The following CAV3 variants were observed in gnomAD, a reference collection of about 807,000 sequenced individuals.
CAV3 encodes the protein caveolin 3.
Under a neutral mutation model 13.4 loss-of-function variants are expected in CAV3, and 10 were observed. That is an observed-to-expected ratio of 0.75 (90% CI 0.46 to 1.27). The LOEUF (loss-of-function observed/expected upper bound fraction) is 1.27. Ranked by LOEUF, CAV3 falls within the 50% of genes most tolerant of loss-of-function variation. The probability of loss-of-function intolerance (pLI) is 0.00; values close to 1 mark genes in which losing one functional copy is unlikely to be tolerated. For synonymous variants in CAV3, 90 were observed against 79.0 expected (o/e 1.14, Z -0.74); for missense variants, 162 against 194.0 (o/e 0.83, Z 0.98).
intron 1 of CAV3, among the ~76,000 whole-genome samples, chr3:8,735,910 C>T (rs1164223327): frequency 6.6e-6 from 1 of 152,222 alleles, no homozygotes. Context: ...TTCTGTCCCC[C>T]TGCTTCACTC....
At chr3:8,737,980 C>G (rs569996921) in intron 1 of CAV3, among the ~76,000 whole-genome samples, 11 of 152,226 alleles carry the variant, frequency 7.2e-5, no homozygotes, top group Non-Finnish European at 1.3e-4. Context: ...CATGCTCTCT[C>G]TCTCTGCTCT....
Position 8,735,741 on chromosome 3 carries a change from C to A in CAV3, c.114+1751C>A, listed in dbSNP as rs373873706. ...TTCTGCCTGGTTGGCTCCCACCTGCCAGCCCACCCACCAGAGTACATTCCT... is the reference window on the plus strand; with the variant it reads ...TTCTGCCTGGTTGGCTCCCACCTGCAAGCCCACCCACCAGAGTACATTCCT... On this transcript the variant is annotated intron_variant, in intron 1 of 1. Coordinates refer to ENST00000343849, the MANE Select transcript of CAV3 (RefSeq NM_033337.3). 1.3e-4 allele frequency among the ~76,000 whole-genome samples: 20 copies of A among 152,300 alleles called. No individual in the cohort carries two copies. The East Asian group carries it at 3.5e-3, about 27-fold the overall frequency.
intron 1 of CAV3, among the ~76,000 whole-genome samples, chr3:8,736,260 AT>A (rs1240903237): frequency 1.3e-5 from 2 of 152,104 alleles, no homozygotes; most frequent in African/African-American, 4.8e-5. Context: ...TAAAGTGGGA[AT>A]AATATCATTT....
Position 8,745,420 on chromosome 3 carries a change from G to A in CAV3, c.115-106G>A. On this transcript the variant is annotated intron_variant, in intron 1 of 1. Transcript: ENST00000343849. The surrounding 1 kb of genome is among the most constrained non-coding windows in gnomAD (Gnocchi z 4.8). ...AATACAGGTAGGGTCCAGCCACCAA[G>A]GTTAACCTGACCTCTAGGGGATTCT... The A allele has an allele frequency of 1.2e-6, 1 of 847,302 alleles. No homozygotes were observed. The allele number at this position is 847,302 out of a possible 1,614,324, so 52.5% of individuals were successfully genotyped here. A position where few individuals can be genotyped will look rare whatever the true frequency, so the allele number is the denominator to read the frequency against.
chr3:8,743,032 A>T (rs923436437), intron 1 of CAV3, among the ~76,000 whole-genome samples: 8 of 152,098 alleles, frequency 5.3e-5, no homozygotes, highest in African/African-American at 1.7e-4. Flanking sequence ...ACATGGCGAG[A>T]GAGGGAGCAA....
chr3:8,745,468 A>T lies in CAV3; in HGVS notation c.115-58A>T. 1 of 1,411,206 alleles carries T rather than the reference A, an allele frequency of 7.1e-7. No homozygotes were observed. The highest frequency in any genetic ancestry group is 1.4e-5 in the African/African-American group (1 of 70,340). 87.4% of individuals were successfully genotyped at this position (1,411,206 alleles called of 1,614,324 possible). ...TCTGACACATGCACGCACACACCCA[A>T]AAGCTTGAGAAGCGGGTGGCTTCTG... is the stretch of plus-strand genomic sequence containing the variant. On this transcript the variant is annotated intron_variant, in intron 1 of 1. Transcript: ENST00000343849. The surrounding 1 kb of genome is among the most constrained non-coding windows in gnomAD (Gnocchi z 4.8).
chr3:8,736,053 A>G lies in CAV3; in HGVS notation c.114+2063A>G, dbSNP rs139365395. On this transcript the variant is annotated intron_variant, in intron 1 of 1. Coordinates refer to ENST00000343849, the MANE Select transcript of CAV3 (RefSeq NM_033337.3). The stretch of plus-strand genomic sequence containing the variant: ...AGGAAAATTAGGAAACAAATTTCAC[A>G]AACTGTAAAGCACTATATACATGTA... Among the ~76,000 whole-genome samples, 21 of 152,372 alleles carry G rather than the reference A, an allele frequency of 1.4e-4. No individual in the cohort carries two copies. The East Asian group carries it at 4.0e-3, about 29-fold the overall frequency.
intron 1 of CAV3, among the ~76,000 whole-genome samples, chr3:8,734,310 A>G (rs538806432): frequency 2.0e-5 from 3 of 152,230 alleles, no homozygotes; most frequent in Admixed American, 6.5e-5. Context: ...CCTGGCTCTC[A>G]CCCTGGGAGG....
intron 1 of CAV3, among the ~76,000 whole-genome samples, chr3:8,743,252 G>T (rs2124985607): frequency 6.6e-6 from 1 of 152,292 alleles, no homozygotes; most frequent in South Asian, 2.1e-4. Context: ...TCAGTGGGTT[G>T]TGGATGTATG....
chr3:8,740,766 A>G (rs1228160655), intron 1 of CAV3, among the ~76,000 whole-genome samples: 2 of 152,200 alleles, frequency 1.3e-5, no homozygotes, highest in African/African-American at 4.8e-5. Context: ...CACCCTCCTG[A>G]AGGAGGAGTC....
chr3:8,738,588 T>C (rs1167984150), intron 1 of CAV3, among the ~76,000 whole-genome samples: 1 of 152,186 alleles, frequency 6.6e-6, no homozygotes, highest in Non-Finnish European at 1.5e-5. Flanking sequence ...TACTTTCATC[T>C]GGAAAAATCA....
At chr3:8,737,010 G>T (rs1029059840) in intron 1 of CAV3, among the ~76,000 whole-genome samples, 9 of 152,126 alleles carry the variant, frequency 5.9e-5, no homozygotes, top group Non-Finnish European at 1.2e-4. Context: ...AAGAAGGAGA[G>T]AGGGGACTGT....
rs1708172113 is a variant in CAV3, at chr3:8,746,676, C to T, written c.*809C>T. The T allele has an allele frequency of 1.3e-5, 2 of 149,816 alleles. No homozygotes were observed. Among genetic ancestry groups the T allele is most frequent in the South Asian group, 4.2e-4 (2 of 4,786 alleles). 9.3% of individuals were successfully genotyped at this position (149,816 alleles called of 1,614,324 possible). On this transcript the variant is annotated 3_prime_UTR_variant, in exon 2 of 2. Coordinates refer to ENST00000343849, the MANE Select transcript of CAV3 (RefSeq NM_033337.3). ...CTGCCATTTGACATGAGGGTACCTTCGCCCTCAGGAGATGTGACGAAGGAA... is the reference window on the plus strand; with the variant it reads ...CTGCCATTTGACATGAGGGTACCTTTGCCCTCAGGAGATGTGACGAAGGAA...
intron 1 of CAV3, among the ~76,000 whole-genome samples, chr3:8,740,569 C>T (rs1707922981): frequency 6.6e-6 from 1 of 152,216 alleles, no homozygotes; most frequent in South Asian, 2.1e-4. Context: ...CTCTCTGTCT[C>T]TCTCCTTGCA....
intron 1 of CAV3, chr3:8,744,981 C>T (rs1326677737): frequency 6.4e-6 from 1 of 155,660 alleles, no homozygotes; most frequent in African/African-American, 2.4e-5. Context: ...GTCGGAATCC[C>T]TGGGGCGATG....
At chr3:8,734,373 G>T (rs1707676291) in intron 1 of CAV3, among the ~76,000 whole-genome samples, 1 of 152,206 alleles carries the variant, frequency 6.6e-6, no homozygotes, top group Admixed American at 6.5e-5. Flanking sequence ...GGGCATTTCT[G>T]CGGTCTCTCC....
At chr3:8,735,617 T>C (rs1270693185) in intron 1 of CAV3, among the ~76,000 whole-genome samples, 1 of 152,226 alleles carries the variant, frequency 6.6e-6, no homozygotes, top group Non-Finnish European at 1.5e-5. Flanking sequence ...CAGACAGGCC[T>C]GTATTGCGGT....
In CAV3 at chr3:8,736,653, G is replaced by A. The variant is rs566176610; in HGVS notation, c.114+2663G>A. ...CCAAGCCGCAGGCCTGGATTATGAC[G>A]CAGAGGGAGCGGCGGGGGCGGCGGC... is the stretch of plus-strand genomic sequence containing the variant. On this transcript the variant is annotated intron_variant, in intron 1 of 1. Transcript: ENST00000343849. 1.7e-3 allele frequency among the ~76,000 whole-genome samples: 253 copies of A among 152,354 alleles called. 2 individuals are homozygous for A. The highest frequency in any genetic ancestry group is 2.8e-3 in the Non-Finnish European group (193 of 68,032).
chr3:8,745,560 G>A lies in CAV3; in HGVS notation c.149G>A (p.Gly50Asp). ...GAAGACGTGATCGCAGAGCCTGTGG[G>A]CACCTACAGCTTTGACGGCGTGTGG... ...DFEDVIAEPV[G>D]TYSFDGVWKV... The change falls in exon 2 of 2, where the codon GGC becomes GAC. Residue 50 changes from glycine (G) to aspartate (D), a missense_variant. By Grantham distance (94) the Gly-to-Asp change is moderately conservative (BLOSUM62 -1). Coordinates refer to ENST00000343849, the MANE Select transcript of CAV3 (RefSeq NM_033337.3). The surrounding 1 kb of genome is among the most constrained non-coding windows in gnomAD (Gnocchi z 4.8). 6.2e-7 allele frequency: 1 copy of A among 1,614,150 alleles called. No individual in the cohort carries two copies.
Sources: gnomAD v4.1 joint callset for allele counts (sites outside exome capture counted in the v4.1 genomes callset) on GRCh38, gnomAD v4.1.1 for gene constraint, Gnocchi (gnomAD v3.1) non-coding constraint, MANE v1.5 for transcripts, NCBI Gene and HGNC (gene_info 2026-07-23, HGNC 2026-07-21) for gene names.